FAT4: variants seen among roughly 807,000 people sequenced by gnomAD.
FAT4 encodes the protein FAT atypical cadherin 4, also known as protocadherin Fat 4.
FAT4 carries 84 observed loss-of-function variants against 303.9 expected under a neutral mutation model. The observed-to-expected ratio is 0.28, with a 90% CI of 0.23 to 0.33. The LOEUF (loss-of-function observed/expected upper bound fraction) is 0.33, where lower values mean the gene tolerates loss of function less well. Among genes scored for constraint, FAT4 ranks in the 10% least tolerant of loss-of-function variants. The pLI is 1.00. For synonymous variants in FAT4, 2,307 were observed against 2,298.8 expected (o/e 1.00, Z -0.10); for missense variants, 6,005 against 6,146.8 (o/e 0.98, Z 0.77).
At chr4:125,456,393 A>G (rs1726277878) in intron 10 of FAT4, among the ~76,000 whole-genome samples, 1 of 152,188 alleles carries the variant, frequency 6.6e-6, no homozygotes, top group South Asian at 2.1e-4. Flanking sequence ...TTTGCATAGT[A>G]GGAGATAATC....
chr4:125,476,336 G>T (rs1367763503), intron 13 of FAT4, 80 bp downstream of exon 13: 11 of 648,284 alleles, frequency 1.7e-5, no homozygotes, highest in Non-Finnish European at 2.7e-5. Flanking sequence ...ATAATTATAG[G>T]ATGCTAAGTA....
In FAT4 at chr4:125,317,710, C is replaced by G. The variant is rs764678411; in HGVS notation, c.1299C>G (p.Ser433=). The G allele has an allele frequency of 8.4e-5, 136 of 1,614,004 alleles. No individual in the cohort carries two copies. Among genetic ancestry groups the G allele is most frequent in the Middle Eastern group, 6.6e-4 (4 of 6,084 alleles). The change falls in exon 2 of 18, where the codon TCC becomes TCG. Residue 433 remains serine, a synonymous_variant. Coordinates refer to ENST00000394329, the MANE Select transcript of FAT4 (RefSeq NM_001291303.3). The surrounding 1 kb of genome is among the most constrained non-coding windows in gnomAD (Gnocchi z 7.0). ...ASALDRERIP[S]YNLTVSVSDN... is the part of the protein sequence containing the mutation. ...CCTTGGACCGCGAGCGCATCCCTTC[C>G]TACAACCTCACAGTTTCCGTCTCTG...
chr4:125,442,638 G>T (rs1725697958), intron 8 of FAT4, among the ~76,000 whole-genome samples: 1 of 152,022 alleles, frequency 6.6e-6, no homozygotes, highest in South Asian at 2.1e-4. Context: ...TGTATATGAG[G>T]TATATGAAAC....
intron 14 of FAT4, among the ~76,000 whole-genome samples, chr4:125,478,276 G>A (rs1048523944): frequency 6.6e-6 from 1 of 152,092 alleles, no homozygotes; most frequent in Non-Finnish European, 1.5e-5. Flanking sequence ...AGTCACACTA[G>A]TTCGTTATTA....
chr4:125,320,481 C>G lies in FAT4; in HGVS notation c.4070C>G (p.Thr1357Ser). 1.9e-6 allele frequency: 3 copies of G among 1,614,078 alleles called. No individual in the cohort carries two copies. The highest frequency in any genetic ancestry group is 2.5e-6 in the Non-Finnish European group (3 of 1,179,988). ...NADLYYSITG[T>S]NNHGTFSISP... ...GATTTATATTACAGTATTACTGGGA[C>G]TAACAACCACGGAACTTTTAGCATT... Residue 1357 changes from threonine (T) to serine (S), a missense_variant, in exon 2 of 18, where the codon ACT (threonine) becomes AGT (serine). Coordinates refer to ENST00000394329, the MANE Select transcript of FAT4 (RefSeq NM_001291303.3).
rs189463824 is a variant in FAT4 at position 125,417,123 on chromosome 4, G to A, written c.7018+501G>A. ...TGACATTTATATATAAGTGGCAAGGGCTTAAGGACATCGCCACCTAAGCCC... is the reference window on the plus strand; with the variant it reads ...TGACATTTATATATAAGTGGCAAGGACTTAAGGACATCGCCACCTAAGCCC... On this transcript the variant is annotated intron_variant, in intron 7 of 17. Coordinates refer to ENST00000394329, the MANE Select transcript of FAT4 (RefSeq NM_001291303.3). Among the ~76,000 whole-genome samples the A allele has an allele frequency of 3.9e-5, 6 of 152,142 alleles. No homozygotes were observed. The East Asian group carries it at 1.2e-3, about 29-fold the overall frequency.
At position 125,315,002 on chromosome 4, in the gene FAT4, C is replaced by T. The variant is rs892026905; in HGVS notation, c.-988C>T. Among the ~76,000 whole-genome samples the T allele has an allele frequency of 2.6e-5, 4 of 152,136 alleles. No homozygotes were observed. The highest frequency in any genetic ancestry group is 4.8e-5 in the African/African-American group (2 of 41,428). On this transcript the variant is annotated 5_prime_UTR_variant, in exon 1 of 18. Coordinates refer to ENST00000394329, the MANE Select transcript of FAT4 (RefSeq NM_001291303.3). The stretch of plus-strand genomic sequence containing the variant: ...GAGTGTCGAGCAAAGTTTCTGAGTG[C>T]TGCTCCAGCTCGCGGTCTTCCCTCC...
chr4:125,483,363 AG>A (rs1242184860), intron 16 of FAT4, among the ~76,000 whole-genome samples: 1 of 152,202 alleles, frequency 6.6e-6, no homozygotes, highest in African/African-American at 2.4e-5. Context: ...TTTGACATTG[AG>A]GTCTGTGTGT....
intron 8 of FAT4, among the ~76,000 whole-genome samples, chr4:125,440,601 G>GTA (rs1408669836): frequency 1.3e-5 from 1 of 79,584 alleles, no homozygotes; most frequent in Non-Finnish European, 2.5e-5. Context: ...GTGTGTGTGT[G>GTA]TGTGTGTGTG....
At chr4:125,363,372 C>T (rs1462881000) in intron 2 of FAT4, among the ~76,000 whole-genome samples, 1 of 151,718 alleles carries the variant, frequency 6.6e-6, no homozygotes, top group Non-Finnish European at 1.5e-5. Flanking sequence ...TGATTTGCTC[C>T]TCGTTTTAGA....
At chr4:125,400,597 T>C (rs1293690633) in intron 3 of FAT4, among the ~76,000 whole-genome samples, 1 of 151,994 alleles carries the variant, frequency 6.6e-6, no homozygotes, top group African/African-American at 2.4e-5. Flanking sequence ...TAAGCTATGT[T>C]TACCTTTATG....
At chr4:125,439,640 A>G (rs969841019) in intron 8 of FAT4, among the ~76,000 whole-genome samples, 19 of 152,096 alleles carry the variant, frequency 1.2e-4, no homozygotes, top group African/African-American at 4.6e-4. Context: ...CGCCCCGGCC[A>G]GGAAAATTTC....
Position 125,408,695 on chromosome 4 carries a change from C to A in FAT4, c.5821C>A (p.Pro1941Thr). Reference sequence around the variant, plus strand: ...CAATATTCTAGATGTAAATGATAATCCACCTATTTTCAGCTTGAATTCATA... The same window carrying A: ...CAATATTCTAGATGTAAATGATAATACACCTATTTTCAGCTTGAATTCATA... ...YFNILDVNDN[P>T]PIFSLNSYST... Residue 1941 changes from proline to threonine, a missense_variant, in exon 5 of 18, where the codon CCA (proline) becomes ACA (threonine). Physicochemically the swap from Pro to Thr is conservative, Grantham distance 38. Coordinates refer to ENST00000394329, the MANE Select transcript of FAT4 (RefSeq NM_001291303.3). The A allele has an allele frequency of 6.2e-7, 1 of 1,610,364 alleles. No individual in the cohort carries two copies. Among genetic ancestry groups the A allele is most frequent in the Non-Finnish European group, 8.5e-7 (1 of 1,176,986 alleles).
intron 2 of FAT4, among the ~76,000 whole-genome samples, chr4:125,374,279 T>G (rs1257821002): frequency 6.6e-6 from 1 of 152,208 alleles, no homozygotes; most frequent in African/African-American, 2.4e-5. Context: ...TGTAAATCCG[T>G]AATCACATTT....
At chr4:125,368,500 T>C (rs532250526) in intron 2 of FAT4, among the ~76,000 whole-genome samples, 7 of 142,794 alleles carry the variant, frequency 4.9e-5, no homozygotes, top group Admixed American at 2.9e-4. Flanking sequence ...TATATATATA[T>C]GTATGTATAT....
At chr4:125,385,001 C>CATATATATATATATATATATATACAT in intron 2 of FAT4, among the ~76,000 whole-genome samples, 1 of 120,260 alleles carries the variant, frequency 8.3e-6, no homozygotes, top group African/African-American at 3.2e-5. Context: ...TATATATATA[C>CATATATATATATATATATATATACAT]ATATATATAT....
rs1730786141 is a variant in FAT4, at chr4:125,318,854, G to C, written c.2443G>C (p.Val815Leu). 1 of 1,614,030 alleles carries C rather than the reference G, an allele frequency of 6.2e-7. No individual in the cohort carries two copies. Among genetic ancestry groups the C allele is most frequent in the Admixed American group, 1.7e-5 (1 of 59,998 alleles). Reference protein sequence around the residue: ...NVALGYHVGSVSASTMDLNSN... With the variant: ...NVALGYHVGSLSASTMDLNSN... ...GGCGCTGGGATATCATGTGGGTAGT[G>C]TGTCTGCATCCACCATGGATCTCAA... The change falls in exon 2 of 18, where the codon GTG becomes CTG. Residue 815 changes from valine to leucine, a missense_variant. Physicochemically the swap from Val to Leu is conservative, Grantham distance 32 (BLOSUM62 1). Coordinates refer to ENST00000394329, the MANE Select transcript of FAT4 (RefSeq NM_001291303.3).
chr4:125,333,941 G>A (rs1279840009), intron 2 of FAT4, among the ~76,000 whole-genome samples: 1 of 152,148 alleles, frequency 6.6e-6, no homozygotes, highest in Non-Finnish European at 1.5e-5. Context: ...CCAAGTAAAG[G>A]TCAGAGCTCT....
intron 8 of FAT4, 75 bp from the exon 9 acceptor site, chr4:125,446,218 T>C (rs1027180750): frequency 1.5e-6 from 2 of 1,321,562 alleles, no homozygotes; most frequent in African/African-American, 2.9e-5. Flanking sequence ...TCTACCTCAG[T>C]TTTTTAATTA....
Sources: allele counts gnomAD v4.1 joint callset (sites outside exome capture counted in the v4.1 genomes callset), GRCh38; gene constraint gnomAD v4.1.1; non-coding constraint Gnocchi (gnomAD v3.1); transcripts MANE v1.5; gene names NCBI Gene and HGNC (gene_info 2026-07-23, HGNC 2026-07-21).